YIPF4: variants seen among roughly 807,000 people sequenced by gnomAD.
The protein encoded by YIPF4 is protein YIPF4.
A neutral mutation model predicts 29.4 loss-of-function variants in YIPF4; 18 were observed. The ratio of observed to expected loss-of-function variants is 0.61; its 90% CI spans 0.42 to 0.91. YIPF4 has a LOEUF of 0.91. Among genes scored for constraint, YIPF4 ranks in the 40% least tolerant of loss-of-function variants. The pLI is 0.00. For missense variants in YIPF4, 279 were observed against 282.7 expected, an observed-to-expected ratio of 0.99 and a Z score of 0.09; for synonymous variants, 115 against 104.7, an observed-to-expected ratio of 1.10 and a Z score of -0.60.
intron 1 of YIPF4, among the ~76,000 whole-genome samples, chr2:32,280,763 A>C (rs920244231): frequency 6.6e-6 from 1 of 152,136 alleles, no homozygotes; most frequent in Non-Finnish European, 1.5e-5. Flanking sequence ...CTGGGATTAC[A>C]GATGTGAGCT....
At chr2:32,284,053 G>A (rs1376333252) in intron 1 of YIPF4, among the ~76,000 whole-genome samples, 1 of 151,982 alleles carries the variant, frequency 6.6e-6, no homozygotes, top group African/African-American at 2.4e-5. Flanking sequence ...AAGCTTTATG[G>A]TATTGTTTGC....
At chr2:32,302,230 C>T (rs1343101592) in intron 5 of YIPF4, among the ~76,000 whole-genome samples, 2 of 151,210 alleles carry the variant, frequency 1.3e-5, no homozygotes, top group Non-Finnish European at 2.9e-5. Context: ...AGGGTTTCAC[C>T]GTATTGTCCA....
intron 1 of YIPF4, among the ~76,000 whole-genome samples, chr2:32,283,408 C>T (rs2030521157): frequency 6.6e-6 from 1 of 152,168 alleles, no homozygotes; most frequent in Non-Finnish European, 1.5e-5. Context: ...ATCCCTCATT[C>T]TTAATGATAG....
rs751486394 is a variant in YIPF4 at position 32,292,328 on chromosome 2, T to C, written c.385T>C (p.Ser129Pro). ...TGTTGTTCTTTTCTTTTCCATGATA[T>C]CATTATATGGACAGTTTAGGGTAAG... is the stretch of plus-strand genomic sequence containing the variant. ...LAVVLFFSMI[S>P]LYGQFRVVSW... Residue 129 changes from serine (S) to proline (P), a missense_variant, in exon 3 of 6, where the codon TCA (serine) becomes CCA (proline). Physicochemically the swap from Ser to Pro is moderately conservative, Grantham distance 74. Coordinates refer to ENST00000238831, the MANE Select transcript of YIPF4 (RefSeq NM_032312.4). The C allele has an allele frequency of 8.1e-6, 13 of 1,597,838 alleles. No individual in the cohort carries two copies. The highest frequency in any genetic ancestry group is 1.1e-5 in the Non-Finnish European group (13 of 1,172,750).
chr2:32,279,896 T>G (rs573171594), intron 1 of YIPF4, among the ~76,000 whole-genome samples: 7 of 150,054 alleles, frequency 4.7e-5, no homozygotes, highest in African/African-American at 1.7e-4. Context: ...TTTTCTCTTA[T>G]GTTCTTTTTT....
chr2:32,297,615 A>G (rs1022138508), intron 3 of YIPF4, among the ~76,000 whole-genome samples: 1 of 152,072 alleles, frequency 6.6e-6, no homozygotes, highest in Non-Finnish European at 1.5e-5. Context: ...TAAATAAATA[A>G]GTACATGACC....
intron 4 of YIPF4, among the ~76,000 whole-genome samples, chr2:32,298,716 GC>G (rs1450242123): frequency 6.6e-6 from 1 of 151,828 alleles, no homozygotes; most frequent in Non-Finnish European, 1.5e-5. Flanking sequence ...GTGCCACTAT[GC>G]CCGGCTAATT....
intron 3 of YIPF4, among the ~76,000 whole-genome samples, chr2:32,297,972 C>T (rs998984682): frequency 2.0e-5 from 3 of 150,818 alleles, no homozygotes; most frequent in Non-Finnish European, 4.4e-5. Flanking sequence ...TTTTTTTTTG[C>T]AATAATCTTT....
Position 32,316,247 on chromosome 2 carries a change from A to G in YIPF4, c.*10621A>G, listed in dbSNP as rs1034172758. On this transcript the variant is annotated 3_prime_UTR_variant, in exon 6 of 6. Coordinates refer to ENST00000238831, the MANE Select transcript of YIPF4 (RefSeq NM_032312.4). ...TTAAATGGGCAAAGGAAATACTTGG[A>G]CAATCATATCATGTATGTAATATTA... The G allele has an allele frequency of 6.6e-6, 1 of 152,212 alleles. No individual in the cohort carries two copies. Among genetic ancestry groups the G allele is most frequent in the South Asian group, 2.1e-4 (1 of 4,832 alleles). 9.4% of individuals were successfully genotyped at this position (152,212 alleles called of 1,614,324 possible).
chr2:32,297,774 C>T (rs924022278), intron 3 of YIPF4, among the ~76,000 whole-genome samples: 2 of 152,174 alleles, frequency 1.3e-5, no homozygotes, highest in Non-Finnish European at 2.9e-5. Flanking sequence ...CTTCAAAATA[C>T]AAATATATGT....
chr2:32,278,161 G>A lies in YIPF4; in HGVS notation c.6G>A (p.Gln2=). 6.4e-7 allele frequency: 1 copy of A among 1,562,034 alleles called. No individual in the cohort carries two copies. The highest frequency in any genetic ancestry group is 2.4e-5 in the East Asian group (1 of 41,438). Residue 2 remains glutamine (Q), a synonymous_variant, in exon 1 of 6, where the codon CAG becomes CAA. Transcript: ENST00000238831. The part of the protein sequence containing the change: M[Q]PPGPPPAYAP... ...CGGTTGGGAGTCGCCGCGAGATGCA[G>A]CCTCCGGGCCCGCCCCCGGCCTATG...
chr2:32,294,515 C>T (rs926235090), intron 3 of YIPF4, among the ~76,000 whole-genome samples: 5 of 151,090 alleles, frequency 3.3e-5, no homozygotes, highest in Admixed American at 6.6e-5. Flanking sequence ...GGATGGCGGC[C>T]GGGAAGAGGG....
intron 3 of YIPF4, among the ~76,000 whole-genome samples, chr2:32,294,960 G>C (rs375300498): frequency 6.6e-6 from 1 of 152,038 alleles, no homozygotes; most frequent in Non-Finnish European, 1.5e-5. Context: ...GCAGGCACTC[G>C]GCAGGCTGAG....
intron 1 of YIPF4, among the ~76,000 whole-genome samples, chr2:32,290,243 C>G (rs1328087582): frequency 6.6e-6 from 1 of 152,156 alleles, no homozygotes; most frequent in Non-Finnish European, 1.5e-5. Context: ...ACCAGTCTGG[C>G]TAATTAGCTG....
chr2:32,278,312 G>A, intron 1 of YIPF4, 78 bp downstream of exon 1: 2 of 1,407,034 alleles, frequency 1.4e-6, no homozygotes, highest in East Asian at 2.7e-5. Context: ...TGGTGCCGAG[G>A]TGGTCGTGGC....
In YIPF4 at chr2:32,316,229, G is replaced by T. The variant is rs763268728; in HGVS notation, c.*10603G>T. 2 of 151,882 alleles carry T rather than the reference G, an allele frequency of 1.3e-5. No individual in the cohort carries two copies. Among genetic ancestry groups the T allele is most frequent in the Non-Finnish European group, 2.9e-5 (2 of 67,986 alleles). The allele number at this position is 151,882 out of a possible 1,614,324, so 9.4% of individuals were successfully genotyped here. ...AAACATTTATCAGTAAATTTAAATGGGCAAAGGAAATACTTGGACAATCAT... is the reference window on the plus strand; with the variant it reads ...AAACATTTATCAGTAAATTTAAATGTGCAAAGGAAATACTTGGACAATCAT... On this transcript the variant is annotated 3_prime_UTR_variant, in exon 6 of 6. Transcript: ENST00000238831.
At position 32,292,302 on chromosome 2, in the gene YIPF4, CTGT is replaced by C. The variant is rs750061732; in HGVS notation, c.364_366del (p.Val122del). On this transcript the variant is annotated inframe_deletion, in exon 3 of 6. Coordinates refer to ENST00000238831, the MANE Select transcript of YIPF4 (RefSeq NM_032312.4). Reference sequence around the variant, plus strand: ...AATCCTGACTTTTGGGGTCCTCTGGCTGTTGTTCTTTTCTTTTCCATGATATCA... The same window carrying C: ...AATCCTGACTTTTGGGGTCCTCTGGCTGTTCTTTTCTTTTCCATGATATCA... The C allele has an allele frequency of 9.4e-6, 15 of 1,601,810 alleles. No individual in the cohort carries two copies. Among genetic ancestry groups the C allele is most frequent in the South Asian group, 1.1e-5 (1 of 88,284 alleles).
chr2:32,289,089 TTA>T (rs1325371195), intron 1 of YIPF4, among the ~76,000 whole-genome samples: 1 of 152,230 alleles, frequency 6.6e-6, no homozygotes, highest in Non-Finnish European at 1.5e-5. Context: ...CACTATGCAA[TTA>T]TATGATAACA....
rs2030172094 is a variant in YIPF4 at position 32,277,976 on chromosome 2, G to C, written c.-180G>C. 1 of 551,790 alleles carries C rather than the reference G, an allele frequency of 1.8e-6. No individual in the cohort carries two copies. The highest frequency in any genetic ancestry group is 3.2e-6 in the Non-Finnish European group (1 of 317,308). The allele number at this position is 551,790 out of a possible 1,614,324, so 34.2% of individuals were successfully genotyped here. On this transcript the variant is annotated 5_prime_UTR_variant, in exon 1 of 6. Transcript: ENST00000238831. Reference sequence around the variant, plus strand: ...GGTCGCCACCAAGAAGACTTTGGTGGGGTAGTCTCGGGGCAGCTCAGCGGC... The same window carrying C: ...GGTCGCCACCAAGAAGACTTTGGTGCGGTAGTCTCGGGGCAGCTCAGCGGC...
Sources: gnomAD v4.1 joint callset for allele counts (sites outside exome capture counted in the v4.1 genomes callset) on GRCh38, gnomAD v4.1.1 for gene constraint, MANE v1.5 for transcripts, NCBI Gene and HGNC (gene_info 2026-07-23, HGNC 2026-07-21) for gene names.